The following MAP6 variants were observed in gnomAD, a reference collection of about 807,000 sequenced individuals.
MAP6 encodes the protein microtubule associated protein 6.
A neutral mutation model predicts 42.4 loss-of-function variants in MAP6; 26 were observed. The observed-to-expected ratio is 0.61, with a 90% CI of 0.45 to 0.85. The LOEUF is 0.85. Among genes scored for constraint, MAP6 ranks in the 40% least tolerant of loss-of-function variants. The pLI, the probability that MAP6 is intolerant of heterozygous loss-of-function variation, is 0.00. For synonymous variants in MAP6, 418 were observed against 443.8 expected, an observed-to-expected ratio of 0.94 and a Z score of 0.73; for missense variants, 966 against 1,099.0, an observed-to-expected ratio of 0.88 and a Z score of 1.71.
At chr11:75,628,143 G>A (rs137902075) in intron 1 of MAP6, among the ~76,000 whole-genome samples, 295 of 152,304 alleles carry the variant, frequency 1.9e-3, no homozygotes, top group Admixed American at 6.0e-3. Flanking sequence ...TGTGTTGGGG[G>A]TGGCCTGTAC....
At position 75,668,074 on chromosome 11, in the gene MAP6, G is replaced by C; in HGVS notation, c.296C>G (p.Pro99Arg). ...GCCCGGGCCCGGCCCGCTCCGGCCG[G>C]GGCCCGCCGCCGGCTCGCGCTCGCC... ...PTGEREPAAGPGRSGPGPGLG... is the reference protein window; with the variant it reads ...PTGEREPAAGRGRSGPGPGLG... Residue 99 changes from proline (P) to arginine (R), a missense_variant, in exon 1 of 4, where the codon CCC becomes CGC. Physicochemically the swap from Pro to Arg is moderately radical, Grantham distance 103. Coordinates refer to ENST00000304771, the MANE Select transcript of MAP6 (RefSeq NM_033063.2). 8.2e-7 allele frequency: 1 copy of C among 1,224,156 alleles called. No homozygotes were observed. The highest frequency in any genetic ancestry group is 1.0e-6 in the Non-Finnish European group (1 of 986,116). 75.8% of individuals were successfully genotyped at this position (1,224,156 alleles called of 1,614,324 possible).
intron 3 of MAP6, chr11:75,604,255 A>G: frequency 8.1e-6 from 8 of 985,898 alleles, no homozygotes; most frequent in Non-Finnish European, 9.6e-6. Context: ...CTTCTCACTC[A>G]GCCCCAAGGT....
intron 1 of MAP6, among the ~76,000 whole-genome samples, chr11:75,650,716 A>C (rs929275968): frequency 2.6e-5 from 4 of 152,182 alleles, no homozygotes; most frequent in Non-Finnish European, 5.9e-5. Flanking sequence ...TTTCTGAAGG[A>C]GGAAATTGAG....
chr11:75,657,108 C>CTTTTTTTTTTTTTTTTTT (rs1565280855), intron 1 of MAP6, among the ~76,000 whole-genome samples: 1 of 149,170 alleles, frequency 6.7e-6, no homozygotes, highest in African/African-American at 2.5e-5. Context: ...TGTGGAGACA[C>CTTTTTTTTTTTTTTTTTT]TATTTTTTTT....
intron 2 of MAP6, chr11:75,607,672 T>C: frequency 2.0e-6 from 2 of 984,370 alleles, no homozygotes; most frequent in Non-Finnish European, 2.4e-6. Flanking sequence ...GAAGAAAGGG[T>C]CCAGTGATTG....
intron 1 of MAP6, among the ~76,000 whole-genome samples, chr11:75,645,647 C>A (rs1396213752): frequency 6.6e-6 from 1 of 151,780 alleles, no homozygotes; most frequent in Admixed American, 6.6e-5. Context: ...ACTTAGACTA[C>A]AAAATAAATG....
chr11:75,641,487 A>G (rs1943470795), intron 1 of MAP6, among the ~76,000 whole-genome samples: 1 of 152,044 alleles, frequency 6.6e-6, no homozygotes, highest in Non-Finnish European at 1.5e-5. Flanking sequence ...GTATAATAAA[A>G]AAAAAAAGAA....
At chr11:75,600,357 G>A (rs917454337) in intron 3 of MAP6, among the ~76,000 whole-genome samples, 2 of 152,210 alleles carry the variant, frequency 1.3e-5, no homozygotes, top group African/African-American at 4.8e-5. Context: ...TAAGTGCACT[G>A]TCCATGTTAA....
At chr11:75,653,347 G>T (rs1943682470) in intron 1 of MAP6, among the ~76,000 whole-genome samples, 1 of 152,150 alleles carries the variant, frequency 6.6e-6, no homozygotes, top group African/African-American at 2.4e-5. Context: ...GGGGCCCCTG[G>T]GCTTTTTGAG....
intron 3 of MAP6, chr11:75,604,653 C>A (rs545050955): frequency 5.4e-5 from 53 of 985,186 alleles, no homozygotes; most frequent in Non-Finnish European, 5.5e-5. Context: ...TCTAGCACAG[C>A]GAAGGTGGCA....
intron 1 of MAP6, among the ~76,000 whole-genome samples, chr11:75,633,684 G>A (rs1376549657): frequency 6.6e-6 from 1 of 152,228 alleles, no homozygotes; most frequent in Non-Finnish European, 1.5e-5. Context: ...AGTGAGAGTT[G>A]AACAGAGACC....
In MAP6 at chr11:75,622,993, C is replaced by CT. The variant is rs199977386; in HGVS notation, c.906-14672dup. Among the ~76,000 whole-genome samples the CT allele has an allele frequency of 2.7e-3, 410 of 151,288 alleles. 2 individuals are homozygous for CT. The highest frequency in any genetic ancestry group is 9.5e-3 in the African/African-American group (392 of 41,256). On this transcript the variant is annotated intron_variant, in intron 1 of 3. Transcript: ENST00000304771. ...CACTGTAAATAGGACAAATAAGGCCCTTTTTTTTTCCAGATAGTGGGAAAA... is the reference window on the plus strand; with the variant it reads ...CACTGTAAATAGGACAAATAAGGCCCTTTTTTTTTTCCAGATAGTGGGAAAA...
At chr11:75,604,200 A>G (rs1292373221) in intron 3 of MAP6, 1 of 985,782 alleles carries the variant, frequency 1.0e-6, no homozygotes, top group Non-Finnish European at 1.2e-6. Flanking sequence ...TGTTCTGTTA[A>G]TAATTATGGC....
Position 75,586,979 on chromosome 11 carries a change from T to C in MAP6, c.*80A>G, listed in dbSNP as rs1038823019. The C allele has an allele frequency of 4.5e-5, 63 of 1,395,550 alleles. No individual in the cohort carries two copies. The highest frequency in any genetic ancestry group is 1.9e-4 in the Middle Eastern group (1 of 5,274). The allele number at this position is 1,395,550 out of a possible 1,614,324, so 86.4% of individuals were successfully genotyped here. A position where few individuals can be genotyped will look rare whatever the true frequency, so the allele number is the denominator to read the frequency against. ...GACTACTGTACATGTTTCATGCAGA[T>C]TAAATATGTGTCTTCACTGCCCCTG... On this transcript the variant is annotated 3_prime_UTR_variant, in exon 4 of 4. Coordinates refer to ENST00000304771, the MANE Select transcript of MAP6 (RefSeq NM_033063.2).
At position 75,587,652 on chromosome 11, in the gene MAP6, C is replaced by A; in HGVS notation, c.1849G>T (p.Glu617Ter). ...ACAGGTGCTGGGACTATGGGACCTT[C>A]ACCCTTGACAGGTGCTGGGACTATG... ...GPIVPAPVKG[E>*]GPIVPAPVKD... The change falls in exon 4 of 4, where the codon GAA (glutamate) becomes TAA (stop). Residue 617 changes from glutamate to a stop codon, truncating the protein, a stop_gained. Transcript: ENST00000304771. LOFTEE classifies it low-confidence loss of function (END_TRUNC). The A allele has an allele frequency of 6.2e-7, 1 of 1,612,978 alleles. No individual in the cohort carries two copies.
rs1033191447 is a variant in MAP6 at position 75,587,043 on chromosome 11, T to A, written c.*16A>T. The A allele has an allele frequency of 6.5e-7, 1 of 1,538,438 alleles. No individual in the cohort carries two copies. The highest frequency in any genetic ancestry group is 8.7e-7 in the Non-Finnish European group (1 of 1,144,348). ...CTCACTGTCAGCTCCTTCATTGGTGTGTCAAGGGGTGAGTGTCAAGGGGAG... is the reference window on the plus strand; with the variant it reads ...CTCACTGTCAGCTCCTTCATTGGTGAGTCAAGGGGTGAGTGTCAAGGGGAG... On this transcript the variant is annotated 3_prime_UTR_variant, in exon 4 of 4. Coordinates refer to ENST00000304771, the MANE Select transcript of MAP6 (RefSeq NM_033063.2).
intron 1 of MAP6, among the ~76,000 whole-genome samples, chr11:75,628,776 T>C (rs1352840843): frequency 6.6e-6 from 1 of 152,126 alleles, no homozygotes; most frequent in Non-Finnish European, 1.5e-5. Context: ...ACCTGGAGAA[T>C]AAATTTAAAG....
chr11:75,590,579 G>A (rs990741800), intron 3 of MAP6, among the ~76,000 whole-genome samples: 1 of 152,180 alleles, frequency 6.6e-6, no homozygotes, highest in African/African-American at 2.4e-5. Flanking sequence ...ACCCCATATT[G>A]CTTAGGTTAG....
chr11:75,667,525 G>GC lies in MAP6; in HGVS notation c.844dup (p.Ala282GlyfsTer23), dbSNP rs1474566538. 6.7e-7 allele frequency: 1 copy of GC among 1,497,766 alleles called. No individual in the cohort carries two copies. The highest frequency in any genetic ancestry group is 8.8e-7 in the Non-Finnish European group (1 of 1,132,154). The allele number at this position is 1,497,766 out of a possible 1,614,324, so 92.8% of individuals were successfully genotyped here. A position where few individuals can be genotyped will look rare whatever the true frequency, so the allele number is the denominator to read the frequency against. On this transcript the variant is annotated frameshift_variant, in exon 1 of 4. Transcript: ENST00000304771. LOFTEE classifies it high-confidence loss of function. This position sits in a 1 kb window ranked among gnomAD's most constrained non-coding sequence, Gnocchi z 5.6. ...GCGGATTTGCCGGTTGAGGGCGTCC[G>GC]CCGCGGCGCGCCCCCTGCCAGCCTC...
Sources: gnomAD v4.1 joint callset for allele counts (sites outside exome capture counted in the v4.1 genomes callset) on GRCh38, gnomAD v4.1.1 for gene constraint, Gnocchi (gnomAD v3.1) non-coding constraint, MANE v1.5 for transcripts, NCBI Gene and HGNC (gene_info 2026-07-23, HGNC 2026-07-21) for gene names.